PAX6: variants seen among roughly 807,000 people sequenced by gnomAD.
PAX6 encodes the protein paired box protein Pax-6.
A neutral mutation model predicts 60.7 loss-of-function variants in PAX6; 7 were observed. The observed-to-expected ratio is 0.12, with a 90% CI of 0.07 to 0.22. The LOEUF (loss-of-function observed/expected upper bound fraction) is 0.22. PAX6 is among the 10% of genes least tolerant of loss of function. PAX6 has a pLI of 1.00. For synonymous variants in PAX6, 208 were observed against 201.2 expected (o/e 1.03, Z -0.29); for missense variants, 355 against 555.2 (o/e 0.64, Z 3.62).
intron 9 of PAX6, 67 bp from the exon 10 acceptor site, chr11:31,794,181 A>C: frequency 9.4e-7 from 1 of 1,065,140 alleles, no homozygotes; most frequent in Non-Finnish European, 1.5e-6. Context: ...CAAACTGTGC[A>C]TCAAACTGGT....
chr11:31,814,254 G>C (rs1277115686), upstream of PAX6: 3 of 152,228 alleles, frequency 2.0e-5, no homozygotes, highest in Non-Finnish European at 4.4e-5. Flanking sequence ...AGTCCCGCTG[G>C]GGGACCGTGG....
intron 8 of PAX6, among the ~76,000 whole-genome samples, chr11:31,795,573 TAG>T (rs1221655626): frequency 1.3e-5 from 2 of 152,252 alleles, no homozygotes; most frequent in Non-Finnish European, 1.5e-5. Context: ...AAAGAAATAG[TAG>T]AGAGTTCACT....
rs572399364 is a variant in PAX6 at position 31,817,581 on chromosome 11, T to G, written c.-317+228A>C. The stretch of plus-strand genomic sequence containing the variant: ...AGTCCACTCTTAGGAGTGGAACATT[T>G]TGCTACTTTTGCAGAAGAGCACACT... On this transcript the variant is annotated intron_variant, in intron 1 of 12. Coordinates refer to the PAX6 transcript ENST00000241001. Among the ~76,000 whole-genome samples the G allele has an allele frequency of 3.3e-5, 5 of 152,348 alleles. No homozygotes were observed. The South Asian group carries it at 1.0e-3, about 32-fold the overall frequency.
chr11:31,796,619 T>C (rs867885076), intron 8 of PAX6, among the ~76,000 whole-genome samples: 54 of 38,850 alleles, frequency 1.4e-3, no homozygotes, highest in African/African-American at 5.8e-3. Flanking sequence ...GGGGGAAGGA[T>C]TGGGGGGCCT....
chr11:31,799,520 T>G (rs1472468740), intron 8 of PAX6, among the ~76,000 whole-genome samples: 2 of 152,250 alleles, frequency 1.3e-5, no homozygotes, highest in Non-Finnish European at 2.9e-5. Flanking sequence ...ACTAGACGCT[T>G]ATTCATGTCG....
chr11:31,809,308 G>C (rs1390398359), intron 2 of PAX6: 3 of 152,194 alleles, frequency 2.0e-5, no homozygotes, highest in African/African-American at 7.2e-5. Flanking sequence ...AACTCGCCAG[G>C]CTCAAGCTCT....
chr11:31,816,059 C>G (rs111839176), upstream of PAX6, among the ~76,000 whole-genome samples: 2 of 152,216 alleles, frequency 1.3e-5, no homozygotes, highest in Non-Finnish European at 2.9e-5. Flanking sequence ...CCCTCGTTCC[C>G]GGCCAGACCC....
At chr11:31,807,797 C>G (rs911049969) in intron 2 of PAX6, 1 of 152,344 alleles carries the variant, frequency 6.6e-6, no homozygotes, top group Admixed American at 6.5e-5. Flanking sequence ...GTACCAACAA[C>G]CCACCAACTC....
chr11:31,790,120 A>AAAAAAAC (rs1565184003), intron 13 of PAX6, 101 bp from the exon 14 acceptor site: 3 of 760,122 alleles, frequency 3.9e-6, no homozygotes, highest in Non-Finnish European at 4.3e-6. Context: ...AAAAAAAAAA[A>AAAAAAAC]CTAATACTTT....
Position 31,802,912 on chromosome 11 carries a change from G to A in PAX6, c.11-78C>T, listed in dbSNP as rs1275235341. ...GAAGAGGAAGAAGAGGGAGAAGAAG[G>A]AAGAGGAAGATGAGGGAGAACAAGA... On this transcript the variant is annotated intron_variant, in intron 4 of 13. Coordinates refer to ENST00000640368, the MANE Select transcript of PAX6 (RefSeq NM_001368894.2). 7.1e-6 allele frequency: 10 copies of A among 1,407,248 alleles called. No individual in the cohort carries two copies. The East Asian group carries it at 2.1e-4, about 30-fold the overall frequency. 87.2% of individuals were successfully genotyped at this position (1,407,248 alleles called of 1,614,324 possible).
intron 9 of PAX6, 106 bp from the exon 10 acceptor site, chr11:31,794,220 A>G (rs576249404): frequency 2.5e-6 from 2 of 811,852 alleles, no homozygotes; most frequent in African/African-American, 1.7e-5. Flanking sequence ...ATTACCTCCA[A>G]CCAATTCCCT....
chr11:31,811,046 TG>T, intron 1 of PAX6, 31 bp from the exon 2 acceptor site: 1 of 399,270 alleles, frequency 2.5e-6, no homozygotes, highest in Admixed American at 4.4e-5. Flanking sequence ...GACAATAAAA[TG>T]GGCTGTCAGC....
chr11:31,794,615 GA>G lies in PAX6; in HGVS notation c.724+14del, dbSNP rs772158967. 68 of 1,613,884 alleles carry G rather than the reference GA, an allele frequency of 4.2e-5. No homozygotes were observed. In the East Asian group the frequency reaches 1.5e-3, roughly 35 times the overall value. On this transcript the variant is annotated intron_variant, in intron 9 of 13. Transcript: ENST00000640368. ...CTTTGATTTACTGCTTCTCTACTTT[GA>G]AAAACTCTATCACCTTTCTCCAGGG...
At chr11:31,802,273 A>G (rs1219872202) in intron 5 of PAX6, 1 of 333,120 alleles carries the variant, frequency 3.0e-6, no homozygotes, top group Non-Finnish European at 5.5e-6. Flanking sequence ...TTTAAAATCA[A>G]TATATATTAT....
rs541260494 is a variant in PAX6 at position 31,789,963 on chromosome 11, T to C, written c.1282A>G (p.Met428Val). The C allele has an allele frequency of 2.6e-6, 4 of 1,511,158 alleles. No homozygotes were observed. The highest frequency in any genetic ancestry group is 4.5e-5 in the East Asian group (2 of 44,184). The allele number at this position is 1,511,158 out of a possible 1,614,324, so 93.6% of individuals were successfully genotyped here. Residue 428 changes from methionine (M) to valine (V), a missense_variant, in exon 14 of 14, where the codon ATG (methionine) becomes GTG (valine). Physicochemically the swap from Met to Val is conservative, Grantham distance 21. Around this residue, in one of 5 missense-constraint regions of PAX6, gnomAD observed 149 missense variants for 191.9 expected, o/e 0.78. Coordinates refer to ENST00000640368, the MANE Select transcript of PAX6 (RefSeq NM_001368894.2). ...TGTAATCTTGGCCAGTATTGAGACA[T>C]ATCAGGTTCACTTCCGGGAACTTGA... ...PVQVPGSEPD[M>V]SQYWPRLQ
chr11:31,800,662 A>T, intron 8 of PAX6, 29 bp downstream of exon 8: 1 of 1,613,282 alleles, frequency 6.2e-7, no homozygotes, highest in Non-Finnish European at 8.5e-7. Context: ...ACATATGGAG[A>T]GCTGCGTGGA....
At position 31,801,746 on chromosome 11, in the gene PAX6, C is replaced by T; in HGVS notation, c.214G>A (p.Gly72Ser). 1 of 1,614,080 alleles carries T rather than the reference C, an allele frequency of 6.2e-7. No individual in the cohort carries two copies. The highest frequency in any genetic ancestry group is 8.5e-7 in the Non-Finnish European group (1 of 1,180,018). Residue 72 changes from glycine to serine, a missense_variant, in exon 7 of 14, where the codon GGC becomes AGC. By Grantham distance (56) the Gly-to-Ser change is moderately conservative. This residue lies in a region of PAX6 where 5 missense variants were observed against 45.0 expected (regional missense o/e 0.11). Transcript: ENST00000640368. ...ATGGAGCCAGTCTCGTAATACCTGCCCAGAATTTTACTCACACATCCGTTG... is the reference window on the plus strand; with the variant it reads ...ATGGAGCCAGTCTCGTAATACCTGCTCAGAATTTTACTCACACATCCGTTG... Reference protein sequence around the residue: ...VSNGCVSKILGRYYETGSIRP... With the variant: ...VSNGCVSKILSRYYETGSIRP...
intron 5 of PAX6, 98 bp downstream of exon 5, chr11:31,802,606 G>A (rs1489423973): frequency 1.5e-6 from 2 of 1,350,630 alleles, no homozygotes; most frequent in Non-Finnish European, 2.0e-6. Context: ...AGGGTGGGGG[G>A]GTCCATAATT....
At chr11:31,797,681 T>G (rs186655385) in intron 8 of PAX6, among the ~76,000 whole-genome samples, 1 of 152,290 alleles carries the variant, frequency 6.6e-6, no homozygotes, top group East Asian at 1.9e-4. Context: ...CGGCTGCTCT[T>G]ACATAAAATG....
Sources: gnomAD v4.1 joint callset for allele counts (sites outside exome capture counted in the v4.1 genomes callset) on GRCh38, gnomAD v4.1.1 for gene constraint, gnomAD v4.1.1 regional missense constraint, MANE v1.5 for transcripts, NCBI Gene and HGNC (gene_info 2026-07-23, HGNC 2026-07-21) for gene names.